The following WWOX variants were observed in gnomAD, a reference collection of about 807,000 sequenced individuals.
The protein encoded by WWOX is WW domain containing oxidoreductase.
WWOX carries 69 observed loss-of-function variants against 46.2 expected under a neutral mutation model. The observed-to-expected ratio is 1.49, with a 90% CI of 1.23 to 1.82. WWOX has a LOEUF of 1.82. Among genes scored for constraint, WWOX ranks in the 40% most tolerant of loss-of-function variants. WWOX has a pLI of 0.00. For missense variants in WWOX, 919 were observed against 542.6 expected, an observed-to-expected ratio of 1.69 and a Z score of -6.89; for synonymous variants, 359 against 202.6, an observed-to-expected ratio of 1.77 and a Z score of -6.56.
chr16:78,621,592 CTTT>C (rs34182797), intron 8 of WWOX, among the ~76,000 whole-genome samples: 128 of 31,486 alleles, frequency 4.1e-3, no homozygotes, highest in Non-Finnish European at 5.2e-3. Flanking sequence ...TTGTTCTAAT[CTTT>C]TTTTTTTTTT....
At chr16:78,995,833 C>T (rs2046978384) in intron 8 of WWOX, among the ~76,000 whole-genome samples, 1 of 152,074 alleles carries the variant, frequency 6.6e-6, no homozygotes, top group Non-Finnish European at 1.5e-5. Context: ...CCCGAGGTGG[C>T]CTGAAGGAAG....
At chr16:79,091,172 C>G (rs745783227) in intron 8 of WWOX, among the ~76,000 whole-genome samples, 1 of 152,144 alleles carries the variant, frequency 6.6e-6, no homozygotes, top group Non-Finnish European at 1.5e-5. Context: ...CCACCATAAC[C>G]ACATCCTTCC....
chr16:78,586,502 C>T (rs1054248521), intron 8 of WWOX, among the ~76,000 whole-genome samples: 1 of 152,156 alleles, frequency 6.6e-6, no homozygotes, highest in African/African-American at 2.4e-5. Flanking sequence ...GTATTAGATG[C>T]TGTTTTACTC....
intron 5 of WWOX, among the ~76,000 whole-genome samples, chr16:78,209,823 G>A (rs1312495645): frequency 1.3e-5 from 2 of 151,696 alleles, no homozygotes; most frequent in Non-Finnish European, 2.9e-5. Flanking sequence ...TCACATTTAT[G>A]ATGAAATATG....
chr16:79,114,546 G>C (rs779905627), intron 8 of WWOX, among the ~76,000 whole-genome samples: 23 of 151,940 alleles, frequency 1.5e-4, no homozygotes, highest in Non-Finnish European at 3.2e-4. Flanking sequence ...CCACCACCAG[G>C]AGCTGGAAGT....
At chr16:78,766,221 A>C (rs949939906) in intron 8 of WWOX, among the ~76,000 whole-genome samples, 1 of 152,190 alleles carries the variant, frequency 6.6e-6, no homozygotes, top group East Asian at 1.9e-4. Context: ...AAAGGATTCC[A>C]CCAGGTAAAC....
intron 8 of WWOX, among the ~76,000 whole-genome samples, chr16:79,104,688 G>C (rs536116951): frequency 6.6e-6 from 1 of 152,066 alleles, no homozygotes; most frequent in South Asian, 2.1e-4. Flanking sequence ...TGTAATCCCC[G>C]TTCCTCTGTT....
At chr16:78,478,835 C>A (rs1164892197) in intron 8 of WWOX, among the ~76,000 whole-genome samples, 1 of 151,964 alleles carries the variant, frequency 6.6e-6, no homozygotes, top group Non-Finnish European at 1.5e-5. Context: ...TTTATTTTTT[C>A]TCTCCCCTTT....
chr16:79,003,866 G>C (rs1336907804), intron 8 of WWOX, among the ~76,000 whole-genome samples: 1 of 152,140 alleles, frequency 6.6e-6, no homozygotes, highest in Non-Finnish European at 1.5e-5. Flanking sequence ...TGGGATTAAG[G>C]GGAAGGGACA....
intron 8 of WWOX, chr16:78,552,583 T>C (rs1314521211): frequency 6.6e-6 from 1 of 152,168 alleles, no homozygotes; most frequent in East Asian, 1.9e-4. Flanking sequence ...GGAGGTCAGA[T>C]TTCCGCATTC....
intron 8 of WWOX, among the ~76,000 whole-genome samples, chr16:78,933,812 T>C (rs1201635859): frequency 6.6e-6 from 1 of 152,096 alleles, no homozygotes; most frequent in Non-Finnish European, 1.5e-5. Flanking sequence ...TCCCACCAGC[T>C]TCCTCCCACG....
intron 8 of WWOX, among the ~76,000 whole-genome samples, chr16:79,019,003 T>G (rs1247765206): frequency 6.6e-6 from 1 of 150,762 alleles, no homozygotes; most frequent in Non-Finnish European, 1.5e-5. Flanking sequence ...ATTTTAAAAA[T>G]TTAGCCGGGC....
intron 5 of WWOX, among the ~76,000 whole-genome samples, chr16:78,175,997 T>C (rs1427955732): frequency 1.3e-5 from 2 of 152,154 alleles, no homozygotes; most frequent in East Asian, 3.9e-4. Flanking sequence ...CCAACACTTT[T>C]AAAACATACC....
At chr16:78,576,952 T>C (rs779864365) in intron 8 of WWOX, among the ~76,000 whole-genome samples, 3 of 152,244 alleles carry the variant, frequency 2.0e-5, no homozygotes, top group Non-Finnish European at 4.4e-5. Flanking sequence ...CATTTTATTT[T>C]TCATCCCATC....
At chr16:79,183,994 C>A (rs2050964212) in intron 8 of WWOX, among the ~76,000 whole-genome samples, 1 of 152,208 alleles carries the variant, frequency 6.6e-6, no homozygotes, top group African/African-American at 2.4e-5. Flanking sequence ...TCTCAACTCT[C>A]CTCACCTCTG....
chr16:78,798,494 C>T (rs758906140), intron 8 of WWOX, among the ~76,000 whole-genome samples: 8 of 151,872 alleles, frequency 5.3e-5, no homozygotes, highest in Non-Finnish European at 8.8e-5. Flanking sequence ...AATTATTGTA[C>T]AGCCTGTACT....
At chr16:78,708,768 C>G (rs559532439) in intron 8 of WWOX, among the ~76,000 whole-genome samples, 1 of 152,282 alleles carries the variant, frequency 6.6e-6, no homozygotes, top group East Asian at 1.9e-4. Flanking sequence ...ACGTTGAAAT[C>G]AGTGACAGAG....
intron 8 of WWOX, among the ~76,000 whole-genome samples, chr16:78,937,962 G>T (rs534528496): frequency 3.3e-5 from 5 of 152,274 alleles, no homozygotes; most frequent in Admixed American, 1.3e-4. Context: ...TCTGTGTTCA[G>T]TGTTTTCTTA....
intron 8 of WWOX, among the ~76,000 whole-genome samples, chr16:78,632,138 C>G (rs1472150214): frequency 6.6e-6 from 1 of 152,146 alleles, no homozygotes; most frequent in Non-Finnish European, 1.5e-5. Context: ...GATCAAGAGT[C>G]AGAAATAGCT....
Sources: allele counts gnomAD v4.1 joint callset (sites outside exome capture counted in the v4.1 genomes callset), GRCh38; gene constraint gnomAD v4.1.1; transcripts MANE v1.5; gene names NCBI Gene and HGNC (gene_info 2026-07-23, HGNC 2026-07-21).